The following FBXO16 variants were observed in gnomAD, a reference collection of about 807,000 sequenced individuals.
FBXO16 encodes F-box protein 16.
A neutral mutation model predicts 41.0 loss-of-function variants in FBXO16; 31 were observed. The observed-to-expected ratio is 0.76, with a 90% confidence interval of 0.57 to 1.02. The LOEUF (loss-of-function observed/expected upper bound fraction) is 1.02. Ranked by LOEUF, FBXO16 falls within the 50% of genes least tolerant of loss-of-function variation. The pLI is 0.00. For missense variants in FBXO16, 361 were observed against 346.2 expected, an observed-to-expected ratio of 1.04 and a Z score of -0.34; for synonymous variants, 133 against 117.8, an observed-to-expected ratio of 1.13 and a Z score of -0.84.
chr8:28,457,282 T>C (rs1012940000), intron 4 of FBXO16, among the ~76,000 whole-genome samples: 10 of 152,218 alleles, frequency 6.6e-5, no homozygotes, highest in Non-Finnish European at 1.0e-4. Context: ...CGGAACTTTC[T>C]AGAGGTTTCT....
intron 7 of FBXO16, among the ~76,000 whole-genome samples, chr8:28,434,621 C>T (rs1802659371): frequency 6.6e-6 from 1 of 152,236 alleles, no homozygotes; most frequent in Admixed American, 6.5e-5. Flanking sequence ...AGAAGATTCA[C>T]CTCCTCCCTT....
chr8:28,457,605 A>G (rs1803059064), intron 4 of FBXO16, among the ~76,000 whole-genome samples: 1 of 152,160 alleles, frequency 6.6e-6, no homozygotes, highest in Non-Finnish European at 1.5e-5. Context: ...AGAATGACTC[A>G]CTACCATGAG....
chr8:28,443,759 T>C (rs1802817207), intron 7 of FBXO16, among the ~76,000 whole-genome samples: 1 of 151,994 alleles, frequency 6.6e-6, no homozygotes, highest in South Asian at 2.1e-4. Context: ...ATAAAACAGG[T>C]TGCAATAAAA....
At chr8:28,429,248 G>A (rs946547511) in intron 8 of FBXO16, 130 bp downstream of exon 8, 20 of 1,003,102 alleles carry the variant, frequency 2.0e-5, no homozygotes, top group African/African-American at 4.8e-5. Flanking sequence ...CTCCCAAAGT[G>A]CTGAGATTAT....
At chr8:28,460,735 C>G (rs1225592854) in intron 4 of FBXO16, among the ~76,000 whole-genome samples, 1 of 151,576 alleles carries the variant, frequency 6.6e-6, no homozygotes, top group Non-Finnish European at 1.5e-5. Flanking sequence ...GCCGACCTGA[C>G]TAATTTTTAA....
chr8:28,466,137 T>A (rs917377399), intron 3 of FBXO16, among the ~76,000 whole-genome samples: 3 of 150,862 alleles, frequency 2.0e-5, no homozygotes, highest in Admixed American at 2.0e-4. Context: ...TATTCGGGAG[T>A]GTGAGGCAGG....
chr8:28,440,685 G>A (rs905338386), intron 7 of FBXO16, among the ~76,000 whole-genome samples: 11 of 152,274 alleles, frequency 7.2e-5, no homozygotes, highest in Non-Finnish European at 8.8e-5. Context: ...TTCAGAGGCT[G>A]GAATTAGCAG....
At chr8:28,456,399 A>G (rs1803039591) in intron 5 of FBXO16, among the ~76,000 whole-genome samples, 1 of 152,226 alleles carries the variant, frequency 6.6e-6, no homozygotes, top group Non-Finnish European at 1.5e-5. Flanking sequence ...AATTTGAATT[A>G]GTAAAGTAAA....
intron 3 of FBXO16, among the ~76,000 whole-genome samples, chr8:28,471,017 C>A (rs1803326129): frequency 6.6e-6 from 1 of 152,130 alleles, no homozygotes; most frequent in Admixed American, 6.6e-5. Context: ...ATCTGAGATT[C>A]TTTCTCTTTT....
At chr8:28,483,316 A>G in intron 2 of FBXO16, 32 bp downstream of exon 2, 1 of 1,550,306 alleles carries the variant, frequency 6.5e-7, no homozygotes, top group South Asian at 1.2e-5. Context: ...TCAGTCATGG[A>G]TTCAATTGTT....
At chr8:28,479,808 A>G (rs1803483152) in intron 2 of FBXO16, among the ~76,000 whole-genome samples, 2 of 151,524 alleles carry the variant, frequency 1.3e-5, no homozygotes, top group African/African-American at 4.9e-5. Flanking sequence ...CCAACCTCCA[A>G]CTCCTGGGCT....
intron 2 of FBXO16, among the ~76,000 whole-genome samples, chr8:28,482,900 G>T (rs1055440665): frequency 2.6e-5 from 4 of 152,062 alleles, no homozygotes; most frequent in Non-Finnish European, 4.4e-5. Context: ...CGTCTTAAGA[G>T]AACCTGAGTA....
chr8:28,437,930 G>A (rs909144870), intron 7 of FBXO16, among the ~76,000 whole-genome samples: 6 of 152,064 alleles, frequency 3.9e-5, no homozygotes, highest in African/African-American at 1.4e-4. Context: ...CCACACGTAG[G>A]CACAAGACTA....
intron 3 of FBXO16, chr8:28,465,214 T>C (rs28538987): frequency 0.033 from 5,484 of 164,176 alleles, 306 homozygotes; most frequent in African/African-American, 0.13. Flanking sequence ...AAGATCTAAT[T>C]GGCTTTTATT....
chr8:28,431,942 A>G lies in FBXO16; in HGVS notation c.844-2539T>C, dbSNP rs189438993. Among the ~76,000 whole-genome samples the G allele has an allele frequency of 1.3e-4, 20 of 152,190 alleles. 1 individual carries two copies. In the East Asian group the frequency reaches 3.7e-3, roughly 28 times the overall value. On this transcript the variant is annotated intron_variant, in intron 7 of 8. Coordinates refer to ENST00000380254, the MANE Select transcript of FBXO16 (RefSeq NM_172366.4). ...CCTAGTTCCTTTTCTCAAAGTTACC[A>G]GGGTTGTGTTTTTTTTTCTGTTTTG...
chr8:28,436,160 C>T (rs1200820382), intron 7 of FBXO16, among the ~76,000 whole-genome samples: 1 of 152,094 alleles, frequency 6.6e-6, no homozygotes, highest in African/African-American at 2.4e-5. Flanking sequence ...TGATGCTAGT[C>T]CCAGTCCCAG....
chr8:28,465,901 T>C (rs1440998274), intron 3 of FBXO16, among the ~76,000 whole-genome samples: 2 of 152,218 alleles, frequency 1.3e-5, no homozygotes, highest in African/African-American at 4.8e-5. Context: ...GCCTCCATTC[T>C]GGGTTGGTTT....
At chr8:28,469,471 TGAG>T (rs1563367513) in intron 3 of FBXO16, among the ~76,000 whole-genome samples, 1 of 152,172 alleles carries the variant, frequency 6.6e-6, no homozygotes, top group Non-Finnish European at 1.5e-5. Flanking sequence ...AGCTGGGACT[TGAG>T]GCATGGCACC....
In FBXO16 at chr8:28,486,833, G is replaced by A. The variant is rs114034096; in HGVS notation, c.-17+3353C>T. On this transcript the variant is annotated intron_variant, in intron 1 of 8. Coordinates refer to ENST00000380254, the MANE Select transcript of FBXO16 (RefSeq NM_172366.4). ...CCAGCCTGGGCAACAGAGCAAGACC[G>A]TTTTTAAAAAATAATAAAAACATAA... Among the ~76,000 whole-genome samples, 1,040 of 151,928 alleles carry A rather than the reference G, an allele frequency of 6.8e-3. 13 individuals are homozygous for A. The highest frequency in any genetic ancestry group is 0.022 in the African/African-American group (922 of 41,442).
Sources: gnomAD v4.1 joint callset for allele counts (sites outside exome capture counted in the v4.1 genomes callset) on GRCh38, gnomAD v4.1.1 for gene constraint, MANE v1.5 for transcripts, NCBI Gene and HGNC (gene_info 2026-07-23, HGNC 2026-07-21) for gene names.